Variants in GRIK1 observed in about 807,000 individuals in gnomAD.
The protein encoded by GRIK1 is glutamate receptor ionotropic, kainate 1.
Under a neutral mutation model 105.7 loss-of-function variants are expected in GRIK1, and 69 were observed. That is an observed-to-expected ratio of 0.65 (90% CI 0.54 to 0.80). The LOEUF is 0.80. GRIK1 is among the 30% of genes least tolerant of loss of function. The pLI, the probability that GRIK1 is intolerant of heterozygous loss-of-function variation, is 0.00. For missense variants in GRIK1, 1,109 were observed against 1,167.3 expected (o/e 0.95, Z 0.73); for synonymous variants, 438 against 431.3 (o/e 1.02, Z -0.19).
chr21:29,857,245 T>A (rs1349162573), intron 1 of GRIK1, among the ~76,000 whole-genome samples: 1 of 152,098 alleles, frequency 6.6e-6, no homozygotes, highest in African/African-American at 2.4e-5. Flanking sequence ...CATGAAATAG[T>A]GCGATAGAAA....
intron 7 of GRIK1, among the ~76,000 whole-genome samples, chr21:29,605,050 A>AT (rs960879066): frequency 6.6e-6 from 1 of 151,734 alleles, no homozygotes; most frequent in South Asian, 2.1e-4. Flanking sequence ...CTGAAAGGGA[A>AT]TTTTTTTTTC....
intron 14 of GRIK1, among the ~76,000 whole-genome samples, chr21:29,564,856 ATTC>A (rs772449541): frequency 4.6e-5 from 7 of 152,208 alleles, no homozygotes; most frequent in African/African-American, 1.4e-4. Context: ...TACTCTCAGT[ATTC>A]TTCTCCTTGT....
chr21:29,861,624 A>G (rs184786482), intron 1 of GRIK1: 1 of 437,842 alleles, frequency 2.3e-6, no homozygotes, highest in African/African-American at 2.0e-5. Flanking sequence ...CTCTTAATCA[A>G]ACTCATTCCC....
intron 7 of GRIK1, among the ~76,000 whole-genome samples, chr21:29,618,540 CAA>C (rs1380863170): frequency 6.6e-6 from 1 of 152,006 alleles, no homozygotes; most frequent in Non-Finnish European, 1.5e-5. Flanking sequence ...AGTCATGAAA[CAA>C]AAAAGATACC....
chr21:29,582,830 T>C (rs1466325343), intron 12 of GRIK1, among the ~76,000 whole-genome samples: 1 of 152,056 alleles, frequency 6.6e-6, no homozygotes, highest in Admixed American at 6.6e-5. Context: ...AAAAACACCA[T>C]AAAGCCCATG....
intron 1 of GRIK1, among the ~76,000 whole-genome samples, chr21:29,888,715 G>T (rs1275634537): frequency 2.6e-5 from 4 of 152,192 alleles, no homozygotes; most frequent in African/African-American, 9.6e-5. Flanking sequence ...CATTGCAACA[G>T]CCTGAAGCCT....
At chr21:29,594,933 G>C (rs2061382971) in intron 9 of GRIK1, among the ~76,000 whole-genome samples, 1 of 152,140 alleles carries the variant, frequency 6.6e-6, no homozygotes, top group Non-Finnish European at 1.5e-5. Context: ...AGAGTACGAG[G>C]AAAGCTTTTG....
intron 7 of GRIK1, among the ~76,000 whole-genome samples, chr21:29,620,816 T>G (rs1193999546): frequency 0.072 from 8,217 of 114,164 alleles, 489 homozygotes; most frequent in African/African-American, 0.2. Context: ...GATATATATA[T>G]ATAGTAATAA....
intron 1 of GRIK1, among the ~76,000 whole-genome samples, chr21:29,791,095 G>T (rs900376112): frequency 1.3e-5 from 2 of 152,182 alleles, no homozygotes; most frequent in Non-Finnish European, 2.9e-5. Flanking sequence ...TCCAGGAACA[G>T]AAAGCAGATC....
At chr21:29,810,845 A>T (rs945834644) in intron 1 of GRIK1, among the ~76,000 whole-genome samples, 1 of 152,168 alleles carries the variant, frequency 6.6e-6, no homozygotes, top group African/African-American at 2.4e-5. Context: ...GCATAACAAC[A>T]GCTCACAGCA....
intron 4 of GRIK1, among the ~76,000 whole-genome samples, chr21:29,666,216 C>T (rs149585128): frequency 4.6e-5 from 7 of 152,112 alleles, no homozygotes; most frequent in Admixed American, 6.6e-5. Flanking sequence ...CCAGCCTGAC[C>T]AACATAGAGA....
chr21:29,911,610 G>A (rs1370030477), intron 1 of GRIK1, among the ~76,000 whole-genome samples: 1 of 152,062 alleles, frequency 6.6e-6, no homozygotes, highest in Admixed American at 6.6e-5. Flanking sequence ...CAGTGGGATG[G>A]TACTGGTAGG....
chr21:29,626,868 G>T (rs143519452), intron 7 of GRIK1, among the ~76,000 whole-genome samples: 35 of 152,240 alleles, frequency 2.3e-4, no homozygotes, highest in African/African-American at 8.2e-4. Context: ...CTGAAGAATG[G>T]GTTCCATTAG....
intron 1 of GRIK1, among the ~76,000 whole-genome samples, chr21:29,814,670 C>G (rs1016940645): frequency 2.6e-5 from 4 of 152,046 alleles, no homozygotes; most frequent in Non-Finnish European, 5.9e-5. Flanking sequence ...ATGGGAATAA[C>G]TTGGGAGGCA....
chr21:29,827,326 A>C lies in GRIK1; in HGVS notation c.118+112057T>G, dbSNP rs550609910. Among the ~76,000 whole-genome samples, 53 of 152,264 alleles carry C rather than the reference A, an allele frequency of 3.5e-4. 1 individual carries two copies. In the East Asian group the frequency reaches 9.6e-3, roughly 28 times the overall value. On this transcript the variant is annotated intron_variant, in intron 1 of 17. Coordinates refer to ENST00000327783, the MANE Select transcript of GRIK1 (RefSeq NM_001330994.2). ...AGTAATATTAAAACCTAATAGAAGA[A>C]CAGATTAATGGAAAATGAGAGTTTT...
At chr21:29,905,326 G>C (rs917636230) in intron 1 of GRIK1, among the ~76,000 whole-genome samples, 1 of 152,140 alleles carries the variant, frequency 6.6e-6, no homozygotes, top group Admixed American at 6.5e-5. Context: ...GATTCACCAG[G>C]AAGGAGGAAG....
At chr21:29,826,669 A>G (rs1473999439) in intron 1 of GRIK1, among the ~76,000 whole-genome samples, 2 of 152,000 alleles carry the variant, frequency 1.3e-5, no homozygotes, top group Admixed American at 6.6e-5. Context: ...GTGTGTGAAT[A>G]CATATGTATA....
chr21:29,596,352 ATGT>A (rs2061412147), intron 9 of GRIK1, 171 bp downstream of exon 9: 2 of 730,920 alleles, frequency 2.7e-6, no homozygotes, highest in East Asian at 2.5e-5. Flanking sequence ...TTCACAGGTG[ATGT>A]TGTTGAGAGA....
intron 14 of GRIK1, among the ~76,000 whole-genome samples, chr21:29,566,409 C>T (rs1337750996): frequency 6.6e-6 from 1 of 152,256 alleles, no homozygotes; most frequent in South Asian, 2.1e-4. Flanking sequence ...TCCTGAGAGG[C>T]ATCTGTTTAG....
Sources: allele counts gnomAD v4.1 joint callset (sites outside exome capture counted in the v4.1 genomes callset), GRCh38; gene constraint gnomAD v4.1.1; transcripts MANE v1.5; gene names NCBI Gene and HGNC (gene_info 2026-07-23, HGNC 2026-07-21).